The following CYP2A6 variants were observed in gnomAD, a reference collection of about 807,000 sequenced individuals.
CYP2A6 encodes the protein cytochrome P450 2A6.
In CYP2A6, 27 loss-of-function variants were observed where a neutral mutation model predicts 42.3. The ratio of observed to expected loss-of-function variants is 0.64; its 90% CI spans 0.47 to 0.88. CYP2A6 has a LOEUF of 0.88. Among genes scored for constraint, CYP2A6 ranks in the 40% least tolerant of loss-of-function variants. The pLI is 0.00. For missense variants in CYP2A6, 628 were observed against 646.0 expected, an observed-to-expected ratio of 0.97 and a Z score of 0.30; for synonymous variants, 238 against 246.3, an observed-to-expected ratio of 0.97 and a Z score of 0.31.
At chr19:40,845,649 G>A (rs530503863) in intron 6 of CYP2A6, among the ~76,000 whole-genome samples, 168 bp from the exon 7 acceptor site, 22 of 151,650 alleles carry the variant, frequency 1.5e-4, no homozygotes, top group African/African-American at 5.3e-4. Context: ...GTAGGATCCT[G>A]TTAACCAGGT....
Position 40,848,635 on chromosome 19 carries a change from C to A in CYP2A6, c.472G>T (p.Asp158Tyr), listed in dbSNP as rs772772650. Residue 158 changes from aspartate to tyrosine, a missense_variant, in exon 3 of 9, where the codon GAC (aspartate) becomes TAC (tyrosine). Transcript: ENST00000301141. The part of the protein sequence containing the change: ...RIQEEAGFLI[D>Y]ALRGTGGANI... Reference sequence around the variant, plus strand: ...TCACCGCCAGTGCCCCGGAGGGCGTCGATGAGGAAGCCCGCCTCCTCCTGG... The same window carrying A: ...TCACCGCCAGTGCCCCGGAGGGCGTAGATGAGGAAGCCCGCCTCCTCCTGG... 15 of 1,611,704 alleles carry A rather than the reference C, an allele frequency of 9.3e-6. No individual in the cohort carries two copies. Among genetic ancestry groups the A allele is most frequent in the Non-Finnish European group, 1.3e-5 (15 of 1,179,844 alleles).
Position 40,848,743 on chromosome 19 carries a change from C to T in CYP2A6, c.364G>A (p.Glu122Lys), listed in dbSNP as rs770321739. The T allele has an allele frequency of 1.2e-6, 2 of 1,611,544 alleles. No homozygotes were observed. The highest frequency in any genetic ancestry group is 2.2e-5 in the South Asian group (2 of 90,892). Residue 122 changes from glutamate (E) to lysine (K), a missense_variant, in exon 3 of 9, where the codon GAG becomes AAG. Physicochemically the swap from Glu to Lys is moderately conservative, Grantham distance 56. Transcript: ENST00000301141. Reference sequence around the variant, plus strand: ...AAGCGCCGGAGCTGCTTGGCGCGCTCCCCGTTGCTGAATACCACGCCTGGG... The same window carrying T: ...AAGCGCCGGAGCTGCTTGGCGCGCTTCCCGTTGCTGAATACCACGCCTGGG... ...KGYGVVFSNG[E>K]RAKQLRRFSI...
intron 8 of CYP2A6, among the ~76,000 whole-genome samples, 196 bp from the exon 9 acceptor site, chr19:40,844,173 T>C (rs958458774): frequency 2.7e-5 from 4 of 150,876 alleles, no homozygotes; most frequent in African/African-American, 9.8e-5. Flanking sequence ...TGAACCAATA[T>C]TGATATATTA....
chr19:40,848,598 G>A lies in CYP2A6; in HGVS notation c.493+16C>T, dbSNP rs761208126. 3.7e-6 allele frequency: 6 copies of A among 1,608,334 alleles called. No individual in the cohort carries two copies. Among genetic ancestry groups the A allele is most frequent in the South Asian group, 3.3e-5 (3 of 90,758 alleles). The stretch of plus-strand genomic sequence containing the variant: ...TTTTCCTTCTCCTGCCCCCGCACTC[G>A]GGGTCCCCTGCTCACCGCCAGTGCC... On this transcript the variant is annotated intron_variant, in intron 3 of 8. Coordinates refer to ENST00000301141, the MANE Select transcript of CYP2A6 (RefSeq NM_000762.6).
At chr19:40,848,520 C>T in intron 3 of CYP2A6, 94 bp downstream of exon 3, 1 of 1,579,382 alleles carries the variant, frequency 6.3e-7, no homozygotes, top group Non-Finnish European at 8.6e-7. Context: ...GCGCCTTTCC[C>T]CACCTAGTCC....
chr19:40,848,945 AG>A, intron 2 of CYP2A6, among the ~76,000 whole-genome samples, 182 bp from the exon 3 acceptor site: 1 of 13,904 alleles, frequency 7.2e-5, no homozygotes, highest in Non-Finnish European at 1.6e-4. Context: ...CGAGGTAGAG[AG>A]AGAGAGAGAG....
chr19:40,845,844 A>G, intron 6 of CYP2A6, 112 bp downstream of exon 6: 2 of 1,490,940 alleles, frequency 1.3e-6, no homozygotes, highest in Non-Finnish European at 1.8e-6. Flanking sequence ...GTCTCTGGAC[A>G]GCAAGTCACG....
chr19:40,847,979 A>AT (rs1181148495), intron 4 of CYP2A6, among the ~76,000 whole-genome samples: 5 of 151,820 alleles, frequency 3.3e-5, no homozygotes, highest in African/African-American at 4.8e-5. Flanking sequence ...GAGGGTATGC[A>AT]TCCTGCCAGC....
At chr19:40,849,045 GGA>G (rs1164660108) in intron 2 of CYP2A6, among the ~76,000 whole-genome samples, 276 of 24,214 alleles carry the variant, frequency 0.011, 7 homozygotes, top group South Asian at 0.021. Flanking sequence ...AAGAGAGAGA[GGA>G]GAGAGAGAGA....
At chr19:40,849,029 AGAGAGAAGAGAGAGAG>A (rs1967167121) in intron 2 of CYP2A6, among the ~76,000 whole-genome samples, 23 of 44,132 alleles carry the variant, frequency 5.2e-4, no homozygotes, top group Non-Finnish European at 9.4e-4. Flanking sequence ...GAGGAGAGAG[AGAGAGAAGAGAGAGAG>A]GAGAGAGAGA....
rs770092932 is a variant in CYP2A6, at chr19:40,848,389, T to C, written c.494-10A>G. The C allele has an allele frequency of 6.2e-7, 1 of 1,611,700 alleles. No homozygotes were observed. The highest frequency in any genetic ancestry group is 1.1e-5 in the South Asian group (1 of 90,896). On this transcript the variant is annotated splice_polypyrimidine_tract_variant and intron_variant, in intron 3 of 8. Coordinates refer to ENST00000301141, the MANE Select transcript of CYP2A6 (RefSeq NM_000762.6). ...GGATCGATATTGGCGCCTGCGGGTA[T>C]GGCGGGAGAAGGGGGTTGGGGAGAG...
At chr19:40,849,079 A>AGAGAGC (rs1187799625) in intron 2 of CYP2A6, among the ~76,000 whole-genome samples, 63 of 147,380 alleles carry the variant, frequency 4.3e-4, no homozygotes, top group Non-Finnish European at 6.3e-4. Flanking sequence ...AGAGAGAGAG[A>AGAGAGC]GAGAGAGAGA....
Sources: allele counts gnomAD v4.1 joint callset (sites outside exome capture counted in the v4.1 genomes callset), GRCh38; gene constraint gnomAD v4.1.1; transcripts MANE v1.5; gene names NCBI Gene and HGNC (gene_info 2026-07-23, HGNC 2026-07-21).